The following NFATC2 variants were observed in gnomAD, a reference collection of about 807,000 sequenced individuals.
NFATC2 encodes the protein nuclear factor of activated T-cells, cytoplasmic 2.
In NFATC2, 22 loss-of-function variants were observed where a neutral mutation model predicts 87.3. That is an observed-to-expected ratio of 0.25 (90% CI 0.18 to 0.36). The LOEUF (loss-of-function observed/expected upper bound fraction) is 0.36. Among genes scored for constraint, NFATC2 ranks in the 10% least tolerant of loss-of-function variants. The pLI is 1.00. For synonymous variants in NFATC2, 565 were observed against 542.2 expected (o/e 1.04, Z -0.58); for missense variants, 1,149 against 1,259.1 (o/e 0.91, Z 1.32).
At chr20:51,558,102 A>T (rs1568762760) in intron 1 of NFATC2, among the ~76,000 whole-genome samples, 1 of 152,170 alleles carries the variant, frequency 6.6e-6, no homozygotes, top group Non-Finnish European at 1.5e-5. Context: ...GCACTTTGGG[A>T]GGCCAAGATG....
intron 1 of NFATC2, among the ~76,000 whole-genome samples, chr20:51,540,670 T>TTTTTTTTTTTTTTTTTTTTTTA (rs1600993973): frequency 6.7e-6 from 1 of 149,186 alleles, no homozygotes; most frequent in African/African-American, 2.5e-5. Context: ...TTTTTTTTTT[T>TTTTTTTTTTTTTTTTTTTTTTA]TGAGAAAACA....
intron 3 of NFATC2, among the ~76,000 whole-genome samples, chr20:51,488,809 C>G (rs1295606365): frequency 6.6e-6 from 1 of 152,222 alleles, no homozygotes; most frequent in African/African-American, 2.4e-5. Context: ...AGAATCTCCA[C>G]AAGCAGCCAG....
rs2076493461 is a variant in NFATC2 at position 51,523,767 on chromosome 20, G to A, written c.474C>T (p.Phe158=). 6.2e-6 allele frequency: 10 copies of A among 1,609,444 alleles called. No individual in the cohort carries two copies. Among genetic ancestry groups the A allele is most frequent in the Admixed American group, 1.7e-5 (1 of 58,970 alleles). The part of the protein sequence containing the change: ...SPRFTLPVPG[F]EGYREPLCLS... Reference sequence around the variant, plus strand: ...AGCAAAGCGGCTCGCGGTAGCCCTCGAAGCCGGGCACGGGCAGGGTGAACC... The same window carrying A: ...AGCAAAGCGGCTCGCGGTAGCCCTCAAAGCCGGGCACGGGCAGGGTGAACC... Residue 158 remains phenylalanine (F), a synonymous_variant, in exon 2 of 11, where the codon TTC becomes TTT. Transcript: ENST00000371564. The surrounding 1 kb of genome is among the most constrained non-coding windows in gnomAD (Gnocchi z 6.9).
chr20:51,494,996 G>A (rs950411074), intron 3 of NFATC2, among the ~76,000 whole-genome samples: 16 of 152,138 alleles, frequency 1.1e-4, no homozygotes, highest in Non-Finnish European at 1.8e-4. Context: ...TCCCAACATG[G>A]GCATTGTGCT....
At chr20:51,399,562 T>C (rs1322334980) in intron 9 of NFATC2, among the ~76,000 whole-genome samples, 1 of 152,236 alleles carries the variant, frequency 6.6e-6, no homozygotes, top group East Asian at 1.9e-4. Context: ...GAATGCTCAA[T>C]AAATGAGATC....
chr20:51,415,552 C>T (rs796301932), intron 9 of NFATC2, among the ~76,000 whole-genome samples: 23 of 152,340 alleles, frequency 1.5e-4, no homozygotes, highest in East Asian at 1.2e-3. Context: ...CCAGAGAACA[C>T]TGTGCAGGGC....
At chr20:51,540,658 G>GTTTTTT (rs397864888) in intron 1 of NFATC2, among the ~76,000 whole-genome samples, 28 of 110,068 alleles carry the variant, frequency 2.5e-4, no homozygotes, top group African/African-American at 1.0e-3. Flanking sequence ...TTTTTTTTTT[G>GTTTTTT]TTTTTTTTTT....
chr20:51,492,594 A>T (rs2075912386), intron 3 of NFATC2, among the ~76,000 whole-genome samples: 1 of 152,150 alleles, frequency 6.6e-6, no homozygotes, highest in Non-Finnish European at 1.5e-5. Context: ...AGATAAGGGG[A>T]CTGTGCGGGG....
At chr20:51,455,380 T>C (rs773838925) in intron 5 of NFATC2, among the ~76,000 whole-genome samples, 9 of 151,948 alleles carry the variant, frequency 5.9e-5, no homozygotes, top group Non-Finnish European at 7.4e-5. Flanking sequence ...CATGTCTCCC[T>C]TCTCCACTTC....
chr20:51,475,514 C>T lies in NFATC2; in HGVS notation c.1479G>A (p.Val493=), dbSNP rs1988632899. 6.2e-7 allele frequency: 1 copy of T among 1,613,946 alleles called. No individual in the cohort carries two copies. Among genetic ancestry groups the T allele is most frequent in the Non-Finnish European group, 8.5e-7 (1 of 1,180,042 alleles). ...GTATCTCCAGGACTTTGGTGTTGCC[C>T]ACTATCTTCTCATAGCTGGTGGTGG... ...TVTTTSYEKI[V]GNTKVLEIPL... Residue 493 remains valine, a synonymous_variant, in exon 4 of 11, where the codon GTG becomes GTA. Coordinates refer to ENST00000371564, the MANE Select transcript of NFATC2 (RefSeq NM_012340.5).
At chr20:51,499,108 T>C (rs2146617024) in intron 3 of NFATC2, among the ~76,000 whole-genome samples, 1 of 152,174 alleles carries the variant, frequency 6.6e-6, no homozygotes, top group Non-Finnish European at 1.5e-5. Flanking sequence ...AGCACAAGGC[T>C]ACTCTGCATC....
intron 9 of NFATC2, among the ~76,000 whole-genome samples, chr20:51,409,143 G>A (rs949638853): frequency 6.6e-6 from 1 of 152,210 alleles, no homozygotes; most frequent in Non-Finnish European, 1.5e-5. Flanking sequence ...AGTGTAAACT[G>A]GTATAACTGC....
chr20:51,523,871 CCTG>C lies in NFATC2; in HGVS notation c.367_369del (p.Gln123del). ...TCTCTCATGCGGAGGGGCCCCACTG[CCTG>C]GATCAGTTCGTGGGACGGAGTGATC... On this transcript the variant is annotated inframe_deletion, in exon 2 of 11. Transcript: ENST00000371564. The surrounding 1 kb of genome is among the most constrained non-coding windows in gnomAD (Gnocchi z 6.9). The C allele has an allele frequency of 3.7e-6, 6 of 1,609,370 alleles. No homozygotes were observed. Among genetic ancestry groups the C allele is most frequent in the Non-Finnish European group, 5.1e-6 (6 of 1,178,288 alleles).
At chr20:51,424,024 T>C (rs1981376827) in intron 9 of NFATC2, among the ~76,000 whole-genome samples, 1 of 152,146 alleles carries the variant, frequency 6.6e-6, no homozygotes, top group African/African-American at 2.4e-5. Flanking sequence ...GTGGCACAGC[T>C]TGAAATCTGA....
intron 3 of NFATC2, among the ~76,000 whole-genome samples, chr20:51,488,170 C>T (rs1008897771): frequency 2.0e-5 from 3 of 152,192 alleles, no homozygotes; most frequent in Admixed American, 6.5e-5. Context: ...GTCATTCACG[C>T]AGCAAAGTGC....
intron 9 of NFATC2, 64 bp from the exon 10 acceptor site, chr20:51,398,794 C>CGCTTCCAACTCATGCCGATATCAT: frequency 8.9e-7 from 1 of 1,123,968 alleles, no homozygotes. Flanking sequence ...ATCTCTCTTA[C>CGCTTCCAACTCATGCCGATATCAT]GCTTCCAACT....
At chr20:51,440,620 G>A (rs1394772141) in intron 6 of NFATC2, among the ~76,000 whole-genome samples, 2 of 152,176 alleles carry the variant, frequency 1.3e-5, no homozygotes, top group African/African-American at 4.8e-5. Flanking sequence ...TATGAGCCAA[G>A]GGTCCATCTT....
At chr20:51,418,052 C>T (rs1191512923) in intron 9 of NFATC2, among the ~76,000 whole-genome samples, 1 of 152,182 alleles carries the variant, frequency 6.6e-6, no homozygotes, top group African/African-American at 2.4e-5. Flanking sequence ...ACACTAACTA[C>T]TCAGCAACAT....
chr20:51,493,624 G>C (rs1394974655), intron 3 of NFATC2, among the ~76,000 whole-genome samples: 1 of 152,072 alleles, frequency 6.6e-6, no homozygotes, highest in Non-Finnish European at 1.5e-5. Flanking sequence ...GAGGCCCCTC[G>C]AATGCAGCAG....
Sources: allele counts gnomAD v4.1 joint callset (sites outside exome capture counted in the v4.1 genomes callset), GRCh38; gene constraint gnomAD v4.1.1; non-coding constraint Gnocchi (gnomAD v3.1); transcripts MANE v1.5; gene names NCBI Gene and HGNC (gene_info 2026-07-23, HGNC 2026-07-21).